Variants in CCR6 observed in about 807,000 individuals in gnomAD.
The protein encoded by CCR6 is C-C motif chemokine receptor 6.
Under a neutral mutation model 3.0 loss-of-function variants are expected in CCR6, and 2 were observed. The observed-to-expected ratio is 0.66, with a 90% CI of 0.27 to 2.07. CCR6 has a LOEUF of 2.07. Among genes scored for constraint, CCR6 ranks in the 30% most tolerant of loss-of-function variants. The pLI is 0.14. For synonymous variants in CCR6, 193 were observed against 184.3 expected (o/e 1.05, Z -0.38); for missense variants, 322 against 462.8 (o/e 0.70, Z 2.79).
intron 1 of CCR6, among the ~76,000 whole-genome samples, chr6:167,125,081 C>T (rs917795262): frequency 6.6e-6 from 1 of 151,870 alleles, no homozygotes; most frequent in Non-Finnish European, 1.5e-5. Flanking sequence ...CACATGCACA[C>T]ATGCCTAGAC....
Position 167,137,565 on chromosome 6 carries a change from G to A in CCR6, c.*210G>A, listed in dbSNP as rs746856512. The A allele has an allele frequency of 3.8e-6, 2 of 528,582 alleles. No homozygotes were observed. Among genetic ancestry groups the A allele is most frequent in the Non-Finnish European group, 6.7e-6 (2 of 299,734 alleles). 32.7% of individuals were successfully genotyped at this position (528,582 alleles called of 1,614,324 possible). A position where few individuals can be genotyped will look rare whatever the true frequency, so the allele number is the denominator to read the frequency against. ...GGTAGCATTTTCCAGCACTTTGCAA[G>A]GAATGTTTTGTAGCTCTAGGGTATA... On this transcript the variant is annotated 3_prime_UTR_variant, in exon 3 of 3. Transcript: ENST00000341935. This position sits in a 1 kb window ranked among gnomAD's most constrained non-coding sequence, Gnocchi z 4.6.
intron 1 of CCR6, among the ~76,000 whole-genome samples, chr6:167,128,270 G>C (rs775218556): frequency 6.6e-6 from 1 of 152,252 alleles, no homozygotes; most frequent in Non-Finnish European, 1.5e-5. Flanking sequence ...CTGGGCAGGG[G>C]GCCATGATTC....
chr6:167,120,107 T>G (rs1288158766), upstream of CCR6, among the ~76,000 whole-genome samples: 2 of 152,204 alleles, frequency 1.3e-5, no homozygotes, highest in African/African-American at 2.4e-5. Context: ...TAACAGTGAT[T>G]TATTTACAAT....
intron 1 of CCR6, among the ~76,000 whole-genome samples, chr6:167,116,576 G>A (rs1202250947): frequency 3.3e-5 from 5 of 152,216 alleles, no homozygotes; most frequent in Non-Finnish European, 7.3e-5. Context: ...TGAGAGTAGA[G>A]CTGCTCTTTC....
intron 1 of CCR6, among the ~76,000 whole-genome samples, chr6:167,130,609 CTG>C (rs1781737947): frequency 6.6e-6 from 1 of 151,826 alleles, no homozygotes; most frequent in Non-Finnish European, 1.5e-5. Flanking sequence ...TTTTCAATGA[CTG>C]TGGCTGGCAT....
At chr6:167,127,665 T>C (rs1200805743) in intron 1 of CCR6, among the ~76,000 whole-genome samples, 1 of 152,144 alleles carries the variant, frequency 6.6e-6, no homozygotes, top group Non-Finnish European at 1.5e-5. Context: ...TACTAATGAT[T>C]CAATAACAAA....
At chr6:167,131,775 C>G (rs971431616) in intron 1 of CCR6, among the ~76,000 whole-genome samples, 4 of 152,180 alleles carry the variant, frequency 2.6e-5, no homozygotes, top group Admixed American at 2.0e-4. Flanking sequence ...GTTTATGGCA[C>G]TAAGTGTCTG....
At chr6:167,125,178 T>G (rs572216943) in intron 1 of CCR6, among the ~76,000 whole-genome samples, 1 of 152,366 alleles carries the variant, frequency 6.6e-6, no homozygotes, top group African/African-American at 2.4e-5. Context: ...GCCACTACTA[T>G]TTATGAAAGT....
chr6:167,129,603 T>C (rs1238101377), intron 1 of CCR6: 1 of 148,440 alleles, frequency 6.7e-6, no homozygotes, highest in Non-Finnish European at 1.5e-5. Flanking sequence ...TTTGAAATGC[T>C]TTTTTTAAAA....
At position 167,138,665 on chromosome 6, in the gene CCR6, C is replaced by G. The variant is rs531527941; in HGVS notation, c.*1310C>G. 57 of 152,458 alleles carry G rather than the reference C, an allele frequency of 3.7e-4. No individual in the cohort carries two copies. Among genetic ancestry groups the G allele is most frequent in the Admixed American group, 1.3e-3 (20 of 15,310 alleles). 9.4% of individuals were successfully genotyped at this position (152,458 alleles called of 1,614,324 possible). On this transcript the variant is annotated 3_prime_UTR_variant, in exon 3 of 3. Coordinates refer to ENST00000341935, the MANE Select transcript of CCR6 (RefSeq NM_031409.4). Reference sequence around the variant, plus strand: ...CTGTCATGGGCTAGGCATGGTGGCTCACACCTGTAATCCCAGCATTTTGGG... The same window carrying G: ...CTGTCATGGGCTAGGCATGGTGGCTGACACCTGTAATCCCAGCATTTTGGG...
intron 1 of CCR6, chr6:167,131,083 C>G (rs1781756552): frequency 6.6e-6 from 1 of 151,112 alleles, no homozygotes; most frequent in Non-Finnish European, 1.5e-5. Flanking sequence ...CGACAGGGAT[C>G]CATCACACAG....
intron 1 of CCR6, among the ~76,000 whole-genome samples, chr6:167,133,277 A>T (rs1383829826): frequency 6.6e-6 from 1 of 152,180 alleles, no homozygotes; most frequent in Non-Finnish European, 1.5e-5. Flanking sequence ...AACTCATTTG[A>T]GTTACCTTTT....
upstream of CCR6, chr6:167,122,720 C>T (rs149704081): frequency 1.7e-4 from 26 of 152,494 alleles, no homozygotes; most frequent in Middle Eastern, 3.4e-3. The surrounding 1 kb of genome is among the most constrained non-coding windows in gnomAD (Gnocchi z 4.2). Context: ...GACTGACTGA[C>T]TCCACACAAA....
At chr6:167,125,242 T>A (rs997758944) in intron 1 of CCR6, among the ~76,000 whole-genome samples, 1 of 152,270 alleles carries the variant, frequency 6.6e-6, no homozygotes. Flanking sequence ...AGCTAGTTAT[T>A]AAATGTTTTT....
chr6:167,121,966 T>TG (rs570663238), upstream of CCR6, among the ~76,000 whole-genome samples: 6 of 152,160 alleles, frequency 3.9e-5, no homozygotes, highest in South Asian at 1.2e-3. Context: ...AAATGGCCAG[T>TG]GGGGTTGAGC....
At position 167,136,808 on chromosome 6, in the gene CCR6, G is replaced by A. The variant is rs537815860; in HGVS notation, c.578G>A (p.Gly193Asp). The A allele has an allele frequency of 3.1e-6, 5 of 1,614,058 alleles. No individual in the cohort carries two copies. In the East Asian group the frequency reaches 6.7e-5, roughly 22 times the overall value. The change falls in exon 3 of 3, where the codon GGC (glycine) becomes GAC (aspartate). Residue 193 changes from glycine (G) to aspartate (D), a missense_variant. Physicochemically the swap from Gly to Asp is moderately conservative, Grantham distance 94. Coordinates refer to ENST00000341935, the MANE Select transcript of CCR6 (RefSeq NM_031409.4). The surrounding 1 kb of genome is among the most constrained non-coding windows in gnomAD (Gnocchi z 4.6). ...TTCAACCAAAAATACAACACCCAAG[G>A]CAGCGATGTCTGTGAACCCAAGTAC... ...FVFNQKYNTQGSDVCEPKYQT... is the reference protein window; with the variant it reads ...FVFNQKYNTQDSDVCEPKYQT...
chr6:167,125,054 G>A (rs1781649989), intron 1 of CCR6, among the ~76,000 whole-genome samples: 1 of 151,152 alleles, frequency 6.6e-6, no homozygotes, highest in Non-Finnish European at 1.5e-5. Flanking sequence ...TATATATGCA[G>A]GCATATGCAC....
chr6:167,129,769 G>T (rs1026478383), intron 1 of CCR6, among the ~76,000 whole-genome samples: 3 of 151,664 alleles, frequency 2.0e-5, no homozygotes, highest in African/African-American at 7.3e-5. Flanking sequence ...TCATGCCATA[G>T]TGTGCCCGCC....
At chr6:167,112,252 T>C (rs1389160100) in intron 1 of CCR6, among the ~76,000 whole-genome samples, 1 of 152,212 alleles carries the variant, frequency 6.6e-6, no homozygotes, top group Non-Finnish European at 1.5e-5. Context: ...TGTGTTATTT[T>C]ATGTAATTCT....
Sources: allele counts gnomAD v4.1 joint callset (sites outside exome capture counted in the v4.1 genomes callset), GRCh38; gene constraint gnomAD v4.1.1; non-coding constraint Gnocchi (gnomAD v3.1); transcripts MANE v1.5; gene names NCBI Gene and HGNC (gene_info 2026-07-23, HGNC 2026-07-21).